Variants in SORCS1 observed in about 807,000 individuals in gnomAD.
The protein encoded by SORCS1 is sortilin related VPS10 domain containing receptor 1.
A neutral mutation model predicts 146.1 loss-of-function variants in SORCS1; 60 were observed. That is an observed-to-expected ratio of 0.41 (90% confidence interval 0.33 to 0.51). The LOEUF (loss-of-function observed/expected upper bound fraction) is 0.51. Ranked by LOEUF, SORCS1 falls within the 20% of genes least tolerant of loss-of-function variation. SORCS1 has a pLI of 0.21. For missense variants in SORCS1, 1,352 were observed against 1,487.6 expected (o/e 0.91, Z 1.50); for synonymous variants, 637 against 584.0 (o/e 1.09, Z -1.31).
intron 3 of SORCS1, among the ~76,000 whole-genome samples, chr10:106,791,135 G>T (rs1230981576): frequency 2.6e-5 from 4 of 152,182 alleles, no homozygotes. Flanking sequence ...CAGCAAGAGG[G>T]TGTCGTGTGA....
chr10:106,584,069 TC>T (rs1845079095), intron 24 of SORCS1, among the ~76,000 whole-genome samples: 1 of 152,164 alleles, frequency 6.6e-6, no homozygotes, highest in Admixed American at 6.5e-5. Flanking sequence ...TTTTTTCCTC[TC>T]CTGACCCCAA....
At chr10:106,689,383 A>G (rs755338485) in intron 9 of SORCS1, among the ~76,000 whole-genome samples, 5 of 152,188 alleles carry the variant, frequency 3.3e-5, no homozygotes, top group African/African-American at 9.7e-5. Flanking sequence ...CCAATGCTGC[A>G]TGTACATTAC....
chr10:107,150,839 G>T (rs1455330680), intron 1 of SORCS1, among the ~76,000 whole-genome samples: 1 of 152,152 alleles, frequency 6.6e-6, no homozygotes. Context: ...GGAGGTGTTT[G>T]CATTCCCTTC....
chr10:107,127,724 G>T (rs1267865920), intron 1 of SORCS1, among the ~76,000 whole-genome samples: 1 of 152,114 alleles, frequency 6.6e-6, no homozygotes, highest in African/African-American at 2.4e-5. Flanking sequence ...CTTTCCATCT[G>T]GCATTGTTCA....
chr10:106,832,283 G>C (rs981246231), intron 2 of SORCS1, among the ~76,000 whole-genome samples: 7 of 151,316 alleles, frequency 4.6e-5, no homozygotes, highest in Admixed American at 1.3e-4. Flanking sequence ...CCGCCTTCTG[G>C]GTTCGATCGA....
intron 2 of SORCS1, among the ~76,000 whole-genome samples, chr10:106,855,978 G>A (rs748388955): frequency 1.1e-4 from 17 of 151,992 alleles, no homozygotes; most frequent in Non-Finnish European, 2.2e-4. Flanking sequence ...TAGTCAATAG[G>A]CCTTTAGTTG....
At chr10:106,852,415 G>A (rs1233213833) in intron 2 of SORCS1, among the ~76,000 whole-genome samples, 42 of 151,976 alleles carry the variant, frequency 2.8e-4, no homozygotes, top group Admixed American at 2.7e-3. Flanking sequence ...GCATCACAAG[G>A]TCAAGAGATC....
At chr10:107,058,871 T>C (rs1489645549) in intron 1 of SORCS1, among the ~76,000 whole-genome samples, 1 of 152,198 alleles carries the variant, frequency 6.6e-6, no homozygotes, top group Non-Finnish European at 1.5e-5. Flanking sequence ...ATTTAAAGCA[T>C]TTCAAATCTT....
At chr10:107,058,071 T>C (rs958553811) in intron 1 of SORCS1, among the ~76,000 whole-genome samples, 10 of 152,304 alleles carry the variant, frequency 6.6e-5, no homozygotes, top group Admixed American at 5.2e-4. Context: ...AGACGGAGTC[T>C]TGCTCTGTCG....
At chr10:106,654,175 G>A (rs182314461) in intron 17 of SORCS1, among the ~76,000 whole-genome samples, 1 of 152,274 alleles carries the variant, frequency 6.6e-6, no homozygotes, top group East Asian at 1.9e-4. Flanking sequence ...GAGTAAAATG[G>A]CAGGAATTTC....
At chr10:106,684,952 C>T (rs749424411) in intron 10 of SORCS1, among the ~76,000 whole-genome samples, 99 of 152,278 alleles carry the variant, frequency 6.5e-4, no homozygotes, top group Admixed American at 1.1e-3. Context: ...TCATTTTCCC[C>T]TTCTCACCTG....
chr10:106,966,815 A>T (rs1589811597), intron 1 of SORCS1, among the ~76,000 whole-genome samples: 1 of 152,202 alleles, frequency 6.6e-6, no homozygotes, highest in Non-Finnish European at 1.5e-5. Flanking sequence ...TGTGAGAAAT[A>T]CTGCAGCTCT....
At chr10:106,918,490 C>G (rs1564809330) in intron 2 of SORCS1, among the ~76,000 whole-genome samples, 1 of 152,024 alleles carries the variant, frequency 6.6e-6, no homozygotes, top group Non-Finnish European at 1.5e-5. Context: ...AGCGAATATC[C>G]TGGTTGAACT....
chr10:106,859,711 C>T (rs547959086), intron 2 of SORCS1, among the ~76,000 whole-genome samples: 2 of 152,252 alleles, frequency 1.3e-5, no homozygotes, highest in Non-Finnish European at 2.9e-5. Context: ...TTTCATTGAA[C>T]CTTTTCACAT....
chr10:106,698,875 C>A (rs1259652023), intron 9 of SORCS1, among the ~76,000 whole-genome samples: 1 of 152,150 alleles, frequency 6.6e-6, no homozygotes, highest in African/African-American at 2.4e-5. Context: ...CCTTTACTCA[C>A]AGCCCTGTCT....
At chr10:106,762,384 T>C (rs1232726197) in intron 4 of SORCS1, among the ~76,000 whole-genome samples, 1 of 131,992 alleles carries the variant, frequency 7.6e-6, no homozygotes, top group Non-Finnish European at 1.6e-5. Flanking sequence ...TTTTTTATTA[T>C]TCTTTTTTTT....
chr10:106,808,911 C>T (rs1033450717), intron 3 of SORCS1, among the ~76,000 whole-genome samples: 1 of 152,156 alleles, frequency 6.6e-6, no homozygotes, highest in African/African-American at 2.4e-5. Flanking sequence ...CAATCTGAAA[C>T]TCCCTCCACT....
chr10:106,835,899 G>T (rs1948758639), intron 2 of SORCS1, among the ~76,000 whole-genome samples: 1 of 152,088 alleles, frequency 6.6e-6, no homozygotes, highest in South Asian at 2.1e-4. Flanking sequence ...CAGCTACTCA[G>T]GAGGCTGAGG....
At position 106,637,117 on chromosome 10, in the gene SORCS1, A is replaced by G. The variant is rs79813564; in HGVS notation, c.2476-7729T>C. On this transcript the variant is annotated intron_variant, in intron 18 of 25. Transcript: ENST00000263054. ...GTCTGAGATGACTAATCAGGAAACA[A>G]CTGTTGAAACTGTGTTGGACCTTCT... Among the ~76,000 whole-genome samples, 147 of 152,348 alleles carry G rather than the reference A, an allele frequency of 9.6e-4. 3 individuals carry two copies. The East Asian group carries it at 0.027, about 28-fold the overall frequency.
Sources: gnomAD v4.1 joint callset for allele counts (sites outside exome capture counted in the v4.1 genomes callset) on GRCh38, gnomAD v4.1.1 for gene constraint, MANE v1.5 for transcripts, NCBI Gene and HGNC (gene_info 2026-07-23, HGNC 2026-07-21) for gene names.